ALDH7A1: variants seen among roughly 807,000 people sequenced by gnomAD.
The protein encoded by ALDH7A1 is aldehyde dehydrogenase 7 family member A1, also known as alpha-aminoadipic semialdehyde dehydrogenase.
A neutral mutation model predicts 79.9 loss-of-function variants in ALDH7A1; 63 were observed. The observed-to-expected ratio is 0.79, with a 90% confidence interval of 0.64 to 0.97. The LOEUF (loss-of-function observed/expected upper bound fraction) is 0.97, where lower values mean the gene tolerates loss of function less well. Among genes scored for constraint, ALDH7A1 ranks in the 50% least tolerant of loss-of-function variants. ALDH7A1 has a pLI of 0.00. For synonymous variants in ALDH7A1, 240 were observed against 231.2 expected, an observed-to-expected ratio of 1.04 and a Z score of -0.34; for missense variants, 627 against 665.2, an observed-to-expected ratio of 0.94 and a Z score of 0.63.
At chr5:126,586,357 T>C (rs903768522) in intron 3 of ALDH7A1, 4 of 152,224 alleles carry the variant, frequency 2.6e-5, no homozygotes, top group African/African-American at 9.6e-5. Flanking sequence ...TAAGCTTAGT[T>C]AAGTTGGTTA....
In ALDH7A1 at chr5:126,562,237, C is replaced by G. The variant is rs923025133; in HGVS notation, c.872-1113G>C. On this transcript the variant is annotated intron_variant, in intron 9 of 17. Transcript: ENST00000409134. ...TTTTTTTTTGAGACAGGGTCTGACTCTGTTGCCCAGGCTGGGGTGTACTAG... is the reference window on the plus strand; with the variant it reads ...TTTTTTTTTGAGACAGGGTCTGACTGTGTTGCCCAGGCTGGGGTGTACTAG... 2.7e-5 allele frequency: 4 copies of G among 149,240 alleles called. No individual in the cohort carries two copies. In the East Asian group the frequency reaches 7.9e-4, roughly 29 times the overall value. 9.2% of individuals were successfully genotyped at this position (149,240 alleles called of 1,614,324 possible).
chr5:126,572,055 A>G (rs889570315), intron 7 of ALDH7A1, among the ~76,000 whole-genome samples: 4 of 152,218 alleles, frequency 2.6e-5, no homozygotes, highest in Non-Finnish European at 4.4e-5. Flanking sequence ...AATGGCTAAA[A>G]TAATTCTGGT....
At chr5:126,552,440 T>G (rs991742270) in intron 13 of ALDH7A1, among the ~76,000 whole-genome samples, 1 of 152,206 alleles carries the variant, frequency 6.6e-6, no homozygotes, top group Non-Finnish European at 1.5e-5. Flanking sequence ...TCACTCAGCC[T>G]GTAGTGCAAT....
At chr5:126,564,746 G>A (rs921044782) in intron 9 of ALDH7A1, among the ~76,000 whole-genome samples, 1 of 152,148 alleles carries the variant, frequency 6.6e-6, no homozygotes, top group African/African-American at 2.4e-5. Context: ...TAGGTGTTAA[G>A]AAGAGAAGGA....
At chr5:126,550,466 T>C (rs563413658) in intron 14 of ALDH7A1, among the ~76,000 whole-genome samples, 173 bp from the exon 15 acceptor site, 41 of 146,048 alleles carry the variant, frequency 2.8e-4, no homozygotes, top group Non-Finnish European at 3.8e-4. Context: ...TGATAATAAG[T>C]AAAAAATTTT....
At chr5:126,589,091 G>A (rs1187241925) in intron 3 of ALDH7A1, 1 of 151,838 alleles carries the variant, frequency 6.6e-6, no homozygotes, top group Non-Finnish European at 1.5e-5. Context: ...AGGGAGTAAT[G>A]GGAATTCTGT....
chr5:126,560,130 G>A (rs7724875), intron 10 of ALDH7A1, among the ~76,000 whole-genome samples: 2 of 151,986 alleles, frequency 1.3e-5, no homozygotes, highest in African/African-American at 2.4e-5. Flanking sequence ...GCAGACACTA[G>A]TGCTCACTAA....
intron 10 of ALDH7A1, 49 bp downstream of exon 10, chr5:126,561,034 A>C: frequency 6.3e-7 from 1 of 1,597,638 alleles, no homozygotes; most frequent in Non-Finnish European, 8.6e-7. Flanking sequence ...CAGGATGGCG[A>C]CTGTGGAAAC....
intron 9 of ALDH7A1, chr5:126,564,668 A>G: frequency 1.4e-6 from 1 of 700,392 alleles, no homozygotes; most frequent in Non-Finnish European, 2.0e-6. Flanking sequence ...CAAATGCTAC[A>G]CCAACTCTAG....
intron 16 of ALDH7A1, among the ~76,000 whole-genome samples, chr5:126,547,974 C>T (rs577106887): frequency 8.6e-5 from 13 of 151,552 alleles, no homozygotes; most frequent in South Asian, 2.1e-4. Context: ...ATTGCTTGAA[C>T]TGGGGAGGTG....
Position 126,593,498 on chromosome 5 carries a change from AAAATGATATAATACCC to A in ALDH7A1, c.193-110_193-95del, listed in dbSNP as rs1245353619. On this transcript the variant is annotated intron_variant, in intron 1 of 17. Coordinates refer to ENST00000409134, the MANE Select transcript of ALDH7A1 (RefSeq NM_001182.5). Reference sequence around the variant, plus strand: ...ACGGGGAAGAAAAACAAGAGAGGAAAAAATGATATAATACCCAAACTCAAAAAGCTTAGGTTAACTT... The same window carrying A: ...ACGGGGAAGAAAAACAAGAGAGGAAAAAACTCAAAAAGCTTAGGTTAACTT... The A allele has an allele frequency of 2.2e-5, 34 of 1,538,526 alleles. No homozygotes were observed. The Admixed American group carries it at 5.8e-4, about 26-fold the overall frequency.
chr5:126,545,911 A>G (rs1749769598), intron 17 of ALDH7A1, among the ~76,000 whole-genome samples: 1 of 152,064 alleles, frequency 6.6e-6, no homozygotes, highest in African/African-American at 2.4e-5. Flanking sequence ...TCAGGAGTTC[A>G]ACAACAGCCT....
intron 9 of ALDH7A1, among the ~76,000 whole-genome samples, chr5:126,565,315 C>T (rs1247850205): frequency 6.9e-5 from 10 of 144,812 alleles, no homozygotes; most frequent in Non-Finnish European, 1.2e-4. Context: ...ATCACTTGAA[C>T]CTGGGAGGCA....
intron 1 of ALDH7A1, chr5:126,594,077 T>TA (rs926196650): frequency 9.3e-4 from 343 of 368,846 alleles, no homozygotes; most frequent in African/African-American, 1.3e-3. Context: ...AACTTTCTTT[T>TA]AAAAAAAAAT....
chr5:126,573,235 GGTTTT>G (rs775952068), intron 7 of ALDH7A1, among the ~76,000 whole-genome samples: 13 of 150,300 alleles, frequency 8.6e-5, no homozygotes, highest in Non-Finnish European at 1.8e-4. Flanking sequence ...TATTCTGCTG[GGTTTT>G]GTTTTGTTTT....
intron 16 of ALDH7A1, 50 bp downstream of exon 16, chr5:126,549,879 G>T: frequency 2.6e-6 from 4 of 1,562,594 alleles, no homozygotes; most frequent in Non-Finnish European, 3.5e-6. Flanking sequence ...GCTACTACTG[G>T]TTTTTCTTTG....
At chr5:126,566,046 T>A (rs961667871) in intron 9 of ALDH7A1, among the ~76,000 whole-genome samples, 1 of 152,248 alleles carries the variant, frequency 6.6e-6, no homozygotes, top group Admixed American at 6.5e-5. Flanking sequence ...TTTTTCAAGA[T>A]TGTTTTGGCC....
chr5:126,542,705 C>T lies in ALDH7A1; in HGVS notation c.*2260G>A, dbSNP rs1749649295. 1 of 152,178 alleles carries T rather than the reference C, an allele frequency of 6.6e-6. No individual in the cohort carries two copies. The highest frequency in any genetic ancestry group is 1.9e-4 in the East Asian group (1 of 5,198). The allele number at this position is 152,178 out of a possible 1,614,324, so 9.4% of individuals were successfully genotyped here. A position where few individuals can be genotyped will look rare whatever the true frequency, so the allele number is the denominator to read the frequency against. On this transcript the variant is annotated 3_prime_UTR_variant, in exon 18 of 18. Transcript: ENST00000409134. ...GTTGCAGAGCAAGAGAGAGAGGAGG[C>T]TTAACAGATTCCCACCCTGAAAGAG... is the stretch of plus-strand genomic sequence containing the variant.
At chr5:126,559,850 A>G (rs1321859397) in intron 10 of ALDH7A1, among the ~76,000 whole-genome samples, 1 of 152,166 alleles carries the variant, frequency 6.6e-6, no homozygotes, top group Non-Finnish European at 1.5e-5. Flanking sequence ...TCCAAGGAAG[A>G]TTATGAGCTC....
Sources: allele counts gnomAD v4.1 joint callset (sites outside exome capture counted in the v4.1 genomes callset), GRCh38; gene constraint gnomAD v4.1.1; transcripts MANE v1.5; gene names NCBI Gene and HGNC (gene_info 2026-07-23, HGNC 2026-07-21).